The following FAT3 variants were observed in gnomAD, a reference collection of about 807,000 sequenced individuals.
The protein encoded by FAT3 is protocadherin Fat 3.
Under a neutral mutation model 310.2 loss-of-function variants are expected in FAT3, and 95 were observed. That is an observed-to-expected ratio of 0.31 (90% confidence interval 0.26 to 0.36). The LOEUF (loss-of-function observed/expected upper bound fraction) is 0.36, where lower values mean the gene tolerates loss of function less well. Ranked by LOEUF, FAT3 falls within the 10% of genes least tolerant of loss-of-function variation. FAT3 has a pLI of 1.00. For synonymous variants in FAT3, 2,314 were observed against 2,192.9 expected (o/e 1.06, Z -1.54); for missense variants, 5,408 against 5,715.6 (o/e 0.95, Z 1.74).
intron 3 of FAT3, among the ~76,000 whole-genome samples, chr11:92,561,392 A>T (rs1307759153): frequency 1.3e-5 from 2 of 152,086 alleles, no homozygotes; most frequent in African/African-American, 4.8e-5. Flanking sequence ...AAGAAAAGTC[A>T]ATTATTTGTT....
At chr11:92,442,009 A>G (rs1184016665) in intron 2 of FAT3, among the ~76,000 whole-genome samples, 3 of 149,742 alleles carry the variant, frequency 2.0e-5, no homozygotes, top group Non-Finnish European at 4.4e-5. Flanking sequence ...GCATTTCTCT[A>G]ATGAGGTCTC....
At chr11:92,288,135 TC>T (rs1946603837) in intron 1 of FAT3, among the ~76,000 whole-genome samples, 2 of 152,126 alleles carry the variant, frequency 1.3e-5, no homozygotes, top group African/African-American at 4.8e-5. Context: ...AGAATACTAT[TC>T]AGCCTGTAAA....
At chr11:92,318,773 G>A (rs1030343870) in intron 1 of FAT3, among the ~76,000 whole-genome samples, 1 of 152,142 alleles carries the variant, frequency 6.6e-6, no homozygotes, top group Non-Finnish European at 1.5e-5. Flanking sequence ...TTTAATGCTT[G>A]GGGAAGATAC....
chr11:92,766,533 A>T (rs1013205315), intron 6 of FAT3: 8 of 152,220 alleles, frequency 5.3e-5, no homozygotes, highest in Non-Finnish European at 1.2e-4. Flanking sequence ...ACCTCTATAG[A>T]GAGTCCTCTG....
At chr11:92,348,895 A>G (rs557530790) in intron 1 of FAT3, among the ~76,000 whole-genome samples, 72 of 152,286 alleles carry the variant, frequency 4.7e-4, no homozygotes, top group Non-Finnish European at 8.5e-4. Context: ...CTCTGGTTAC[A>G]TTAGTACTTA....
At chr11:92,232,446 T>C (rs181843123) in intron 1 of FAT3, among the ~76,000 whole-genome samples, 29 of 152,264 alleles carry the variant, frequency 1.9e-4, no homozygotes, top group African/African-American at 6.5e-4. Context: ...TGAAGTCTGG[T>C]GTCTACATAT....
chr11:92,496,172 C>A (rs1365428555), intron 2 of FAT3, among the ~76,000 whole-genome samples: 1 of 152,014 alleles, frequency 6.6e-6, no homozygotes, highest in African/African-American at 2.4e-5. Flanking sequence ...ACAATTAATA[C>A]AAGCTGCTGG....
At position 92,354,218 on chromosome 11, in the gene FAT3, A is replaced by G. The variant is rs1319494846; in HGVS notation, c.2106A>G (p.Ala702=). 6.2e-7 allele frequency: 1 copy of G among 1,613,844 alleles called. No homozygotes were observed. The highest frequency in any genetic ancestry group is 8.5e-7 in the Non-Finnish European group (1 of 1,179,880). Residue 702 remains alanine (A), a synonymous_variant, in exon 2 of 28, where the codon GCA becomes GCG. Coordinates refer to ENST00000525166, the MANE Select transcript of FAT3 (RefSeq NM_001367949.2). ...AGAAACTACTCATTAAGGCAAAAGC[A>G]AATGGGAAACTGAATCTGGAAGATG... ...LAEKLLIKAK[A]NGKLNLEDGF...
intron 3 of FAT3, among the ~76,000 whole-genome samples, chr11:92,673,538 GT>G (rs2135832327): frequency 6.6e-6 from 1 of 152,280 alleles, no homozygotes; most frequent in South Asian, 2.1e-4. Flanking sequence ...ACAATAAGGG[GT>G]TGGGGAGACT....
chr11:92,676,026 A>G (rs1243624563), intron 3 of FAT3, among the ~76,000 whole-genome samples: 2 of 152,154 alleles, frequency 1.3e-5, no homozygotes, highest in Non-Finnish European at 2.9e-5. Context: ...AACATCTAAT[A>G]ATAGGAGAGG....
chr11:92,812,995 G>A (rs1947722594), intron 13 of FAT3, among the ~76,000 whole-genome samples: 1 of 152,148 alleles, frequency 6.6e-6, no homozygotes, highest in Admixed American at 6.5e-5. Flanking sequence ...ATGGTTTTAT[G>A]AGGGGCTTTT....
At chr11:92,729,418 C>T (rs1221364685) in intron 4 of FAT3, among the ~76,000 whole-genome samples, 1 of 151,596 alleles carries the variant, frequency 6.6e-6, no homozygotes, top group Non-Finnish European at 1.5e-5. Flanking sequence ...AAATGGACCC[C>T]AGACTGAATT....
chr11:92,375,874 C>T (rs2134739189), intron 2 of FAT3, among the ~76,000 whole-genome samples: 1 of 152,252 alleles, frequency 6.6e-6, no homozygotes. Flanking sequence ...ACATCTGAAG[C>T]AAAGATGAAA....
intron 27 of FAT3, 66 bp from the exon 28 acceptor site, chr11:92,890,425 T>C (rs2136441383): frequency 1.3e-6 from 2 of 1,535,276 alleles, no homozygotes; most frequent in South Asian, 1.3e-5. Flanking sequence ...CCTTCCCTGC[T>C]CCTTTCCCAG....
intron 1 of FAT3, among the ~76,000 whole-genome samples, chr11:92,316,988 G>T: frequency 6.6e-6 from 1 of 152,144 alleles, no homozygotes; most frequent in Non-Finnish European, 1.5e-5. Flanking sequence ...GGCAGATGAG[G>T]ATTTGGGGAC....
At chr11:92,302,846 T>C (rs1947034307) in intron 1 of FAT3, among the ~76,000 whole-genome samples, 1 of 152,132 alleles carries the variant, frequency 6.6e-6, no homozygotes, top group South Asian at 2.1e-4. Context: ...GTGGGTTTAG[T>C]TTAATTTTAT....
chr11:92,566,817 G>A (rs533629381), intron 3 of FAT3, among the ~76,000 whole-genome samples: 2 of 152,282 alleles, frequency 1.3e-5, no homozygotes, highest in East Asian at 3.9e-4. Flanking sequence ...ATGGTGCTGG[G>A]AAAACTGGCT....
chr11:92,836,875 T>C (rs1047634757), intron 16 of FAT3, among the ~76,000 whole-genome samples, 172 bp downstream of exon 16: 1 of 152,154 alleles, frequency 6.6e-6, no homozygotes. Flanking sequence ...TTGATAGAAT[T>C]TTCTACCTAT....
intron 3 of FAT3, among the ~76,000 whole-genome samples, chr11:92,568,092 GA>G (rs1955535047): frequency 6.6e-6 from 1 of 152,026 alleles, no homozygotes; most frequent in Non-Finnish European, 1.5e-5. Context: ...AATATTTATT[GA>G]ATGTCTCCTA....
Sources: allele counts gnomAD v4.1 joint callset (sites outside exome capture counted in the v4.1 genomes callset), GRCh38; gene constraint gnomAD v4.1.1; transcripts MANE v1.5; gene names NCBI Gene and HGNC (gene_info 2026-07-23, HGNC 2026-07-21).